The following NUGGC variants were observed in gnomAD, a reference collection of about 807,000 sequenced individuals.
NUGGC encodes nuclear GTPase SLIP-GC.
A neutral mutation model predicts 92.6 loss-of-function variants in NUGGC; 58 were observed. That is an observed-to-expected ratio of 0.63 (90% confidence interval 0.51 to 0.78). NUGGC has a LOEUF of 0.78. NUGGC is among the 30% of genes least tolerant of loss of function. The pLI is 0.00. For missense variants in NUGGC, 925 were observed against 964.6 expected (o/e 0.96, Z 0.54); for synonymous variants, 376 against 366.4 (o/e 1.03, Z -0.30).
At chr8:28,032,354 C>T (rs1585555791) in intron 14 of NUGGC, among the ~76,000 whole-genome samples, 1 of 152,178 alleles carries the variant, frequency 6.6e-6, no homozygotes, top group East Asian at 1.9e-4. Flanking sequence ...GAAATGCCAG[C>T]GGGAAGGACA....
intron 1 of NUGGC, among the ~76,000 whole-genome samples, chr8:28,079,993 G>T (rs1810811064): frequency 6.6e-6 from 1 of 152,154 alleles, no homozygotes; most frequent in African/African-American, 2.4e-5. Context: ...AGGCTGGAGT[G>T]CAGTGGCACA....
chr8:28,078,609 G>T (rs1563234552), intron 1 of NUGGC, among the ~76,000 whole-genome samples: 1 of 152,180 alleles, frequency 6.6e-6, no homozygotes, highest in Non-Finnish European at 1.5e-5. Context: ...TAAAGTGTGA[G>T]TGTTCTCTGA....
chr8:28,023,332 G>A lies in NUGGC; in HGVS notation c.2376C>T (p.Pro792=), dbSNP rs771844076. Residue 792 remains proline (P), a synonymous_variant, in exon 19 of 19, where the codon CCC becomes CCT. Transcript: ENST00000413272. ...LRASPSKAGP[P]GTSL is the part of the protein sequence containing the mutation. ...GCCCCAGGAGTTACAGTGATGTCCC[G>A]GGGGGGCCAGCCTTGCTGGGGGATG... 3.7e-5 allele frequency: 59 copies of A among 1,601,424 alleles called. No homozygotes were observed. Among genetic ancestry groups the A allele is most frequent in the South Asian group, 1.6e-4 (14 of 90,150 alleles).
intron 12 of NUGGC, among the ~76,000 whole-genome samples, chr8:28,045,174 C>T (rs1232735699): frequency 6.6e-6 from 1 of 152,198 alleles, no homozygotes; most frequent in Non-Finnish European, 1.5e-5. Context: ...AAACACGCCT[C>T]TCCAGGGTAA....
chr8:28,023,724 G>A (rs118035446), intron 18 of NUGGC, among the ~76,000 whole-genome samples: 2,691 of 152,286 alleles, frequency 0.018, 41 homozygotes, highest in Non-Finnish European at 0.028. Context: ...TCACAGGTGT[G>A]TGATATACAA....
rs1809284021 is a variant in NUGGC at position 28,027,123 on chromosome 8, C to A, written c.2155-71G>T. On this transcript the variant is annotated intron_variant, in intron 17 of 18. Transcript: ENST00000413272. ...GAAAAGTGGATCTTATAAAAGGGACCCCACCCAGTCCCCCAGCCACGGAAG... is the reference window on the plus strand; with the variant it reads ...GAAAAGTGGATCTTATAAAAGGGACACCACCCAGTCCCCCAGCCACGGAAG... 6.7e-6 allele frequency: 8 copies of A among 1,196,362 alleles called. No individual in the cohort carries two copies. In the South Asian group the frequency reaches 9.7e-5, roughly 15 times the overall value. The allele number at this position is 1,196,362 out of a possible 1,614,324, so 74.1% of individuals were successfully genotyped here.
chr8:28,059,952 C>T (rs985007083), intron 8 of NUGGC, among the ~76,000 whole-genome samples: 2 of 151,584 alleles, frequency 1.3e-5, no homozygotes, highest in East Asian at 1.9e-4. Flanking sequence ...ACCCAGGAGA[C>T]GGAGGTTGCA....
rs1810483003 is a variant in NUGGC at position 28,067,885 on chromosome 8, A to T, written c.481-141T>A. ...AGGTCATCTATCTGGGGTCTCGAAG[A>T]GGGGAATGGCTTGCCCAAAGTCTCA... On this transcript the variant is annotated intron_variant, in intron 5 of 18. Transcript: ENST00000413272. 1.0e-5 allele frequency: 7 copies of T among 684,388 alleles called. No individual in the cohort carries two copies. The South Asian group carries it at 1.3e-4, about 13-fold the overall frequency. The allele number at this position is 684,388 out of a possible 1,614,324, so 42.4% of individuals were successfully genotyped here. A position where few individuals can be genotyped will look rare whatever the true frequency, so the allele number is the denominator to read the frequency against.
intron 11 of NUGGC, 79 bp from the exon 12 acceptor site, chr8:28,045,739 C>A (rs994064539): frequency 2.0e-6 from 3 of 1,470,650 alleles, no homozygotes; most frequent in Non-Finnish European, 2.8e-6. Context: ...GTTGAAAGAC[C>A]AAGGTGGCGA....
chr8:28,070,068 C>T (rs1308917202), intron 3 of NUGGC, 184 bp downstream of exon 3: 1 of 982,494 alleles, frequency 1.0e-6, no homozygotes, highest in South Asian at 4.7e-5. Flanking sequence ...CTCCTGCCCA[C>T]AGATGCCTGG....
intron 14 of NUGGC, among the ~76,000 whole-genome samples, chr8:28,032,751 G>A (rs1381303079): frequency 6.6e-6 from 1 of 151,070 alleles, no homozygotes; most frequent in Admixed American, 6.6e-5. Flanking sequence ...AGAATTAGAG[G>A]TCAAGGAAGG....
At chr8:28,072,009 T>G (rs1810602401) in intron 2 of NUGGC, among the ~76,000 whole-genome samples, 1 of 152,078 alleles carries the variant, frequency 6.6e-6, no homozygotes, top group South Asian at 2.1e-4. Flanking sequence ...GACACAGATC[T>G]CCCAGACAAT....
chr8:28,073,365 C>G lies in NUGGC; in HGVS notation c.43+1003G>C, dbSNP rs191023377. Among the ~76,000 whole-genome samples the G allele has an allele frequency of 2.6e-5, 4 of 152,086 alleles. No individual in the cohort carries two copies. In the East Asian group the frequency reaches 7.8e-4, roughly 30 times the overall value. On this transcript the variant is annotated intron_variant, in intron 2 of 18. Transcript: ENST00000413272. ...CGATCCCATTCCTCTAGGCTAAGCT[C>G]AACTGAGGTGACCCCAAAGTGGCAG...
intron 13 of NUGGC, among the ~76,000 whole-genome samples, chr8:28,035,047 T>C (rs1351497866): frequency 6.6e-6 from 1 of 152,126 alleles, no homozygotes; most frequent in Non-Finnish European, 1.5e-5. Context: ...GAGGAAGAAG[T>C]CATTAAAGGG....
chr8:28,036,828 T>C (rs540368729), intron 13 of NUGGC, among the ~76,000 whole-genome samples: 1 of 152,284 alleles, frequency 6.6e-6, no homozygotes, highest in South Asian at 2.1e-4. Context: ...AAGCACCTAC[T>C]GTAAGGGAAA....
intron 13 of NUGGC, among the ~76,000 whole-genome samples, chr8:28,039,848 C>T (rs932237392): frequency 1.2e-4 from 18 of 152,174 alleles, no homozygotes; most frequent in Admixed American, 2.0e-4. Context: ...GGTTCACATG[C>T]GAAGCCCTAA....
chr8:28,067,916 A>G (rs1033185493), intron 5 of NUGGC, among the ~76,000 whole-genome samples, 172 bp from the exon 6 acceptor site: 4 of 152,242 alleles, frequency 2.6e-5, no homozygotes, highest in African/African-American at 9.6e-5. Context: ...TCTCATAAAA[A>G]TGCAAGGACC....
In NUGGC at chr8:28,035,687, A is replaced by G. The variant is rs2130099785; in HGVS notation, c.1612-1990T>C. Among the ~76,000 whole-genome samples, 3 of 152,288 alleles carry G rather than the reference A, an allele frequency of 2.0e-5. No homozygotes were observed. The South Asian group carries it at 6.2e-4, about 32-fold the overall frequency. On this transcript the variant is annotated intron_variant, in intron 13 of 18. Transcript: ENST00000413272. ...TGCAGCATTCTCTTGCTCAGAAATC[A>G]GCCCTGATTCAACGTGGGGGAGACT...
At chr8:28,051,109 C>G (rs1282761304) in intron 10 of NUGGC, among the ~76,000 whole-genome samples, 2 of 152,124 alleles carry the variant, frequency 1.3e-5, no homozygotes, top group African/African-American at 2.4e-5. Context: ...CAGGTGTGAG[C>G]CACTGCTCCT....
Sources: gnomAD v4.1 joint callset for allele counts (sites outside exome capture counted in the v4.1 genomes callset) on GRCh38, gnomAD v4.1.1 for gene constraint, MANE v1.5 for transcripts, NCBI Gene and HGNC (gene_info 2026-07-23, HGNC 2026-07-21) for gene names.